Variants in CNTN4 observed in about 807,000 individuals in gnomAD.
CNTN4 encodes the protein contactin 4.
A neutral mutation model predicts 122.5 loss-of-function variants in CNTN4; 77 were observed. The ratio of observed to expected loss-of-function variants is 0.63; its 90% CI spans 0.52 to 0.76. CNTN4 has a LOEUF of 0.76. CNTN4 is among the 30% of genes least tolerant of loss of function. The pLI, the probability that CNTN4 is intolerant of heterozygous loss-of-function variation, is 0.00. For synonymous variants in CNTN4, 512 were observed against 447.0 expected (o/e 1.15, Z -1.83); for missense variants, 1,256 against 1,259.1 (o/e 1.00, Z 0.04).
intron 3 of CNTN4, among the ~76,000 whole-genome samples, chr3:2,469,636 T>C (rs1476477358): frequency 6.6e-6 from 1 of 152,214 alleles, no homozygotes; most frequent in East Asian, 1.9e-4. Flanking sequence ...ATCTGCTGTT[T>C]GGAGGGAATG....
intron 2 of CNTN4, among the ~76,000 whole-genome samples, chr3:2,328,796 G>T (rs1425791418): frequency 6.6e-6 from 1 of 152,102 alleles, no homozygotes; most frequent in Non-Finnish European, 1.5e-5. Flanking sequence ...GTGTGCAGGA[G>T]TCACATGTAA....
chr3:2,285,582 C>G (rs2041873385), intron 2 of CNTN4, among the ~76,000 whole-genome samples: 1 of 152,070 alleles, frequency 6.6e-6, no homozygotes, highest in Non-Finnish European at 1.5e-5. Context: ...AGAGCCTTCT[C>G]ATATTAAAAA....
intron 14 of CNTN4, among the ~76,000 whole-genome samples, chr3:3,017,972 C>T (rs1242385559): frequency 6.6e-6 from 1 of 152,216 alleles, no homozygotes. Flanking sequence ...CTACTTCCCT[C>T]CTTACCTTCC....
intron 6 of CNTN4, among the ~76,000 whole-genome samples, chr3:2,761,437 CCTGTGTGTGT>C (rs36218013): frequency 0.47 from 61,420 of 130,306 alleles, 13,941 homozygotes; most frequent in Non-Finnish European, 0.59. Flanking sequence ...GTAAGTGTAA[CCTGTGTGTGT>C]GTGTGTGTGT....
At chr3:2,149,870 C>T (rs944784773) in intron 2 of CNTN4, among the ~76,000 whole-genome samples, 7 of 151,976 alleles carry the variant, frequency 4.6e-5, no homozygotes, top group Admixed American at 2.6e-4. Flanking sequence ...GACAACATAA[C>T]CAGAGGCCTG....
chr3:2,825,660 G>A (rs544990637), intron 7 of CNTN4, among the ~76,000 whole-genome samples: 6 of 152,268 alleles, frequency 3.9e-5, no homozygotes, highest in Admixed American at 3.9e-4. Flanking sequence ...CTGCTCTCCA[G>A]ACTGGGCAAC....
At chr3:2,169,673 A>G (rs1405223281) in intron 2 of CNTN4, among the ~76,000 whole-genome samples, 1 of 152,122 alleles carries the variant, frequency 6.6e-6, no homozygotes, top group Non-Finnish European at 1.5e-5. Flanking sequence ...CTGGGATTAC[A>G]GGCGTGAGCC....
At chr3:2,523,217 C>A (rs2077281439) in intron 3 of CNTN4, among the ~76,000 whole-genome samples, 1 of 151,854 alleles carries the variant, frequency 6.6e-6, no homozygotes, top group Non-Finnish European at 1.5e-5. Context: ...ATTTTTCACC[C>A]TGTGGCTTAT....
chr3:2,380,471 G>C (rs1288679447), intron 3 of CNTN4, among the ~76,000 whole-genome samples: 1 of 152,204 alleles, frequency 6.6e-6, no homozygotes, highest in Non-Finnish European at 1.5e-5. Context: ...GAACAGGTGA[G>C]ATTTGGTATG....
chr3:2,352,496 G>A lies in CNTN4; in HGVS notation c.-89+13263G>A, dbSNP rs548435349. Among the ~76,000 whole-genome samples the A allele has an allele frequency of 2.2e-3, 341 of 152,302 alleles. 1 individual carries two copies. The highest frequency in any genetic ancestry group is 3.4e-3 in the Admixed American group (52 of 15,302). The stretch of plus-strand genomic sequence containing the variant: ...GGCCCCACACTCAGAGTGGCAGGCC[G>A]GCACAGCCAGCCCCTGGCAGCGAGA... On this transcript the variant is annotated intron_variant, in intron 3 of 24. Coordinates refer to ENST00000418658, the MANE Select transcript of CNTN4 (RefSeq NM_175607.3).
intron 3 of CNTN4, among the ~76,000 whole-genome samples, chr3:2,395,792 A>G (rs759950929): frequency 2.0e-4 from 30 of 152,276 alleles, no homozygotes; most frequent in Non-Finnish European, 3.5e-4. Flanking sequence ...TTATGGCTGT[A>G]TAGTATTCTA....
At chr3:2,961,678 C>G (rs1004736195) in intron 13 of CNTN4, among the ~76,000 whole-genome samples, 1 of 151,552 alleles carries the variant, frequency 6.6e-6, no homozygotes, top group Non-Finnish European at 1.5e-5. Flanking sequence ...AAGTCACACA[C>G]AACAACACTG....
intron 4 of CNTN4, among the ~76,000 whole-genome samples, chr3:2,735,412 C>T (rs76796573): frequency 6.6e-5 from 10 of 152,258 alleles, no homozygotes; most frequent in South Asian, 2.1e-4. Context: ...GTTACTGCTC[C>T]GTGACAAAAT....
chr3:2,882,955 T>C (rs2093929386), intron 8 of CNTN4, 190 bp from the exon 9 acceptor site: 1 of 538,546 alleles, frequency 1.9e-6, no homozygotes, highest in African/African-American at 1.9e-5. Flanking sequence ...GCGACACAAA[T>C]TTTTCTGTAG....
chr3:2,657,571 A>C (rs1186225527), intron 4 of CNTN4, among the ~76,000 whole-genome samples: 1 of 152,216 alleles, frequency 6.6e-6, no homozygotes, highest in Admixed American at 6.5e-5. Context: ...TACAGGGAGC[A>C]CAGGAAGTAA....
intron 6 of CNTN4, among the ~76,000 whole-genome samples, chr3:2,809,925 T>G (rs569290555): frequency 2.7e-4 from 41 of 152,122 alleles, no homozygotes; most frequent in African/African-American, 9.4e-4. Context: ...AGAACTAAAA[T>G]GAGAAATAAA....
At chr3:2,389,900 A>G (rs2046383042) in intron 3 of CNTN4, among the ~76,000 whole-genome samples, 1 of 152,236 alleles carries the variant, frequency 6.6e-6, no homozygotes, top group African/African-American at 2.4e-5. Context: ...TTGTCCTGTA[A>G]TATTGAAAAT....
intron 4 of CNTN4, among the ~76,000 whole-genome samples, chr3:2,584,697 C>CAAAA (rs67755648): frequency 1.4e-5 from 1 of 73,118 alleles, no homozygotes; most frequent in Non-Finnish European, 2.5e-5. Flanking sequence ...AACTCCGTCT[C>CAAAA]AAAAAAAAAA....
At chr3:2,553,088 T>A (rs541977636) in intron 3 of CNTN4, among the ~76,000 whole-genome samples, 1 of 152,248 alleles carries the variant, frequency 6.6e-6, no homozygotes, top group South Asian at 2.1e-4. Context: ...TTCTTCCAGG[T>A]TTGGGGTAGA....
Sources: gnomAD v4.1 joint callset for allele counts (sites outside exome capture counted in the v4.1 genomes callset) on GRCh38, gnomAD v4.1.1 for gene constraint, MANE v1.5 for transcripts, NCBI Gene and HGNC (gene_info 2026-07-23, HGNC 2026-07-21) for gene names.